FBXO11: variants seen among roughly 807,000 people sequenced by gnomAD.
FBXO11 encodes F-box only protein 11.
Under a neutral mutation model 117.0 loss-of-function variants are expected in FBXO11, and 13 were observed. The ratio of observed to expected loss-of-function variants is 0.11; its 90% CI spans 0.07 to 0.18. The LOEUF (loss-of-function observed/expected upper bound fraction) is 0.18. Ranked by LOEUF, FBXO11 falls within the 10% of genes least tolerant of loss-of-function variation. FBXO11 has a pLI of 1.00. For missense variants in FBXO11, 767 were observed against 1,164.4 expected (o/e 0.66, Z 4.97); for synonymous variants, 490 against 380.5 (o/e 1.29, Z -3.35).
At chr2:47,820,335 TA>T in intron 14 of FBXO11, 26 bp downstream of exon 14, 1 of 1,581,312 alleles carries the variant, frequency 6.3e-7, no homozygotes, top group Non-Finnish European at 8.7e-7. Context: ...TGCATGAGTT[TA>T]TAGGGAACTA....
intron 21 of FBXO11, 36 bp from the exon 22 acceptor site, chr2:47,808,463 A>G (rs997244587): frequency 2.6e-6 from 4 of 1,511,862 alleles, no homozygotes; most frequent in African/African-American, 1.4e-5. Context: ...TTTCTCAAAC[A>G]TGTCATTAAT....
At chr2:47,843,888 G>T (rs1019239590) in intron 1 of FBXO11, among the ~76,000 whole-genome samples, 2 of 151,884 alleles carry the variant, frequency 1.3e-5, no homozygotes, top group Non-Finnish European at 2.9e-5. Context: ...TTACAGGCAC[G>T]CGCCACTACG....
chr2:47,902,768 A>C (rs1678393414), intron 1 of FBXO11, among the ~76,000 whole-genome samples: 1 of 152,158 alleles, frequency 6.6e-6, no homozygotes, highest in East Asian at 1.9e-4. Flanking sequence ...TATAAAACAA[A>C]TGATTTTATA....
chr2:47,885,154 C>G (rs769121320), intron 1 of FBXO11, among the ~76,000 whole-genome samples: 1 of 152,084 alleles, frequency 6.6e-6, no homozygotes, highest in African/African-American at 2.4e-5. Flanking sequence ...ACACCTGAGG[C>G]TGAGATATGG....
rs1404621308 is a variant in FBXO11, at chr2:47,818,844, G to A, written c.1941C>T (p.Asp647=). The A allele has an allele frequency of 6.4e-7, 1 of 1,567,200 alleles. No homozygotes were observed. The highest frequency in any genetic ancestry group is 2.2e-5 in the East Asian group (1 of 44,584). Residue 647 remains aspartate, a synonymous_variant, in exon 16 of 23, where the codon GAC becomes GAT. Transcript: ENST00000403359. The stretch of plus-strand genomic sequence containing the variant: ...TGTCTTCTAGCACTCCATGTCCATT[G>A]TCATAAAAATAAACACCAACCTAAA... ...SGKQVGVYFY[D]NGHGVLEDND... is the part of the protein sequence containing the mutation.
chr2:47,851,749 C>G (rs1673879354), intron 1 of FBXO11, among the ~76,000 whole-genome samples: 1 of 152,152 alleles, frequency 6.6e-6, no homozygotes, highest in African/African-American at 2.4e-5. Context: ...TGTATTTTCA[C>G]ATAATATTTA....
chr2:47,877,998 T>A (rs1676138633), intron 1 of FBXO11, among the ~76,000 whole-genome samples: 1 of 152,134 alleles, frequency 6.6e-6, no homozygotes, highest in African/African-American at 2.4e-5. Context: ...TGAGGTCTTA[T>A]AATTGCTGCA....
chr2:47,807,991 G>C lies in FBXO11; in HGVS notation c.*127C>G. On this transcript the variant is annotated 3_prime_UTR_variant, in exon 23 of 23. Coordinates refer to ENST00000403359, the MANE Select transcript of FBXO11 (RefSeq NM_001190274.2). ...TAGCTTGAGCTTCATAGTGTCAACT[G>C]ACCTTGTGTATCCATTTTTAATACA... 1 of 836,272 alleles carries C rather than the reference G, an allele frequency of 1.2e-6. No homozygotes were observed. The highest frequency in any genetic ancestry group is 1.7e-5 in the South Asian group (1 of 58,132). 51.8% of individuals were successfully genotyped at this position (836,272 alleles called of 1,614,324 possible).
intron 1 of FBXO11, among the ~76,000 whole-genome samples, chr2:47,881,555 A>G (rs370982984): frequency 7.8e-4 from 118 of 152,230 alleles, no homozygotes; most frequent in South Asian, 4.1e-3. Flanking sequence ...TTTTAGTTTT[A>G]TTTTAATGTT....
chr2:47,809,921 CCTAA>C (rs912714140), intron 19 of FBXO11: 21 of 536,582 alleles, frequency 3.9e-5, no homozygotes, highest in African/African-American at 1.4e-4. Flanking sequence ...TTCGCACCAA[CCTAA>C]CTGTCTTAAA....
intron 1 of FBXO11, among the ~76,000 whole-genome samples, chr2:47,863,442 C>T (rs1002336035): frequency 1.3e-5 from 2 of 152,106 alleles, no homozygotes; most frequent in Non-Finnish European, 2.9e-5. Flanking sequence ...AAAACTTAAG[C>T]GAAACCTATA....
At chr2:47,863,788 A>G (rs545247563) in intron 1 of FBXO11, among the ~76,000 whole-genome samples, 1 of 152,266 alleles carries the variant, frequency 6.6e-6, no homozygotes, top group South Asian at 2.1e-4. Context: ...TAAAAATATA[A>G]AAATAAGCTG....
At chr2:47,899,101 G>T (rs1021224368) in intron 1 of FBXO11, among the ~76,000 whole-genome samples, 1 of 151,580 alleles carries the variant, frequency 6.6e-6, no homozygotes, top group African/African-American at 2.4e-5. Flanking sequence ...GGTGAAACCC[G>T]GTCTCTACTA....
chr2:47,890,822 AT>A (rs1234967028), intron 1 of FBXO11, among the ~76,000 whole-genome samples: 5 of 149,846 alleles, frequency 3.3e-5, no homozygotes, highest in African/African-American at 4.9e-5. Context: ...AAAAAAAAAA[AT>A]ATTATTATTA....
At chr2:47,882,012 T>C (rs746611408) in intron 1 of FBXO11, among the ~76,000 whole-genome samples, 5 of 152,198 alleles carry the variant, frequency 3.3e-5, no homozygotes, top group African/African-American at 1.2e-4. Context: ...CCTCCCAAAG[T>C]GCTGGGATTA....
At chr2:47,882,924 C>G (rs1261051077) in intron 1 of FBXO11, among the ~76,000 whole-genome samples, 1 of 152,182 alleles carries the variant, frequency 6.6e-6, no homozygotes, top group Admixed American at 6.5e-5. Context: ...GCTGGGATTA[C>G]AGGCGTGAGT....
At chr2:47,864,339 G>A (rs1675030368) in intron 1 of FBXO11, among the ~76,000 whole-genome samples, 1 of 152,240 alleles carries the variant, frequency 6.6e-6, no homozygotes, top group Admixed American at 6.5e-5. Context: ...TGTAATCCCA[G>A]CAGTTTGGGA....
chr2:47,878,661 A>ATT (rs537844418), intron 1 of FBXO11, among the ~76,000 whole-genome samples: 3 of 135,732 alleles, frequency 2.2e-5, no homozygotes, highest in Non-Finnish European at 3.2e-5. Context: ...TGCGTCCAGC[A>ATT]TTTTTTTTTT....
At chr2:47,845,509 G>A (rs952563385) in intron 1 of FBXO11, among the ~76,000 whole-genome samples, 1 of 152,156 alleles carries the variant, frequency 6.6e-6, no homozygotes, top group Admixed American at 6.5e-5. Flanking sequence ...ATCATTCTGG[G>A]AAGATAAGTT....
Sources: gnomAD v4.1 joint callset for allele counts (sites outside exome capture counted in the v4.1 genomes callset) on GRCh38, gnomAD v4.1.1 for gene constraint, MANE v1.5 for transcripts, NCBI Gene and HGNC (gene_info 2026-07-23, HGNC 2026-07-21) for gene names.